LRRC39: variants seen among roughly 807,000 people sequenced by gnomAD.
The protein encoded by LRRC39 is leucine-rich repeat-containing protein 39.
LRRC39 carries 35 observed loss-of-function variants against 39.7 expected under a neutral mutation model. The ratio of observed to expected loss-of-function variants is 0.88; its 90% CI spans 0.67 to 1.17. The LOEUF is 1.17. Ranked by LOEUF, LRRC39 falls within the 50% of genes most tolerant of loss-of-function variation. LRRC39 has a pLI of 0.00. For synonymous variants in LRRC39, 113 were observed against 134.1 expected, an observed-to-expected ratio of 0.84 and a Z score of 1.09; for missense variants, 357 against 385.8, an observed-to-expected ratio of 0.93 and a Z score of 0.62.
chr1:100,166,287 A>G (rs1659240717), intron 3 of LRRC39, among the ~76,000 whole-genome samples: 1 of 152,188 alleles, frequency 6.6e-6, no homozygotes, highest in South Asian at 2.1e-4. Flanking sequence ...AGATACCCAA[A>G]AATGTGGAAG....
intron 3 of LRRC39, among the ~76,000 whole-genome samples, chr1:100,167,287 G>A (rs184542983): frequency 2.6e-5 from 4 of 152,158 alleles, no homozygotes; most frequent in Admixed American, 2.0e-4. Context: ...AAGCTAATCC[G>A]AGGATCAGAC....
chr1:100,177,709 C>T (rs1660055837), intron 1 of LRRC39, among the ~76,000 whole-genome samples: 1 of 152,180 alleles, frequency 6.6e-6, no homozygotes. Flanking sequence ...ACAATTCATC[C>T]ATTTGCTAAT....
intron 3 of LRRC39, among the ~76,000 whole-genome samples, chr1:100,162,333 T>C (rs999056684): frequency 6.6e-6 from 1 of 152,114 alleles, no homozygotes; most frequent in Non-Finnish European, 1.5e-5. Flanking sequence ...ATAAGAATGA[T>C]CTCAAACTAG....
At chr1:100,160,594 T>C (rs1458581760) in intron 3 of LRRC39, 23 bp from the exon 4 acceptor site, 1 of 1,575,330 alleles carries the variant, frequency 6.3e-7, no homozygotes, top group Non-Finnish European at 8.6e-7. Flanking sequence ...GAAATCATTT[T>C]AGTTCATAGA....
intron 3 of LRRC39, among the ~76,000 whole-genome samples, chr1:100,165,207 A>G (rs1438854756): frequency 6.6e-6 from 1 of 152,210 alleles, no homozygotes; most frequent in African/African-American, 2.4e-5. Context: ...TAATGTTTCT[A>G]AAAGTAGAAG....
chr1:100,171,487 TTTTTTTTTCTTTC>T (rs1312995396), intron 2 of LRRC39, among the ~76,000 whole-genome samples: 1 of 150,336 alleles, frequency 6.7e-6, no homozygotes, highest in East Asian at 1.9e-4. Context: ...GAAACACACT[TTTTTTTTTCTTTC>T]TTCTTTTTTT....
chr1:100,160,384 A>T, intron 4 of LRRC39, 82 bp downstream of exon 4: 1 of 996,080 alleles, frequency 1.0e-6, no homozygotes, highest in Non-Finnish European at 1.5e-6. Flanking sequence ...TTCTAGTCTT[A>T]ATTACACAGT....
chr1:100,176,030 G>A (rs745914284), intron 1 of LRRC39, among the ~76,000 whole-genome samples: 1 of 152,128 alleles, frequency 6.6e-6, no homozygotes, highest in African/African-American at 2.4e-5. Flanking sequence ...TCCATTCAAA[G>A]GTATGTACCT....
intron 3 of LRRC39, 53 bp from the exon 4 acceptor site, chr1:100,160,624 CA>C: frequency 4.4e-6 from 6 of 1,374,980 alleles, no homozygotes; most frequent in Admixed American, 2.1e-5. Flanking sequence ...AAGTGGCATT[CA>C]CTTTTTTTTT....
chr1:100,168,305 A>G, intron 3 of LRRC39, 99 bp downstream of exon 3: 7 of 877,444 alleles, frequency 8.0e-6, no homozygotes, highest in Admixed American at 3.2e-5. Context: ...ATAAAATTCT[A>G]TATCAAATTC....
chr1:100,159,092 C>T (rs919263295), intron 5 of LRRC39, among the ~76,000 whole-genome samples, 167 bp downstream of exon 5: 1 of 152,036 alleles, frequency 6.6e-6, no homozygotes, highest in Admixed American at 6.6e-5. Context: ...TCAGTAAATC[C>T]ACAAACTTGA....
upstream of LRRC39, among the ~76,000 whole-genome samples, chr1:100,179,499 C>CAAAAAAAAAAAAAAAAAAAAA (rs60588308): frequency 2.2e-5 from 1 of 45,618 alleles, no homozygotes; most frequent in African/African-American, 8.2e-5. Flanking sequence ...CTGTATCTAC[C>CAAAAAAAAAAAAAAAAAAAAA]AAAAAAAAAA....
rs750497041 is a variant in LRRC39, at chr1:100,149,109, A to G, written c.953-12T>C. The G allele has an allele frequency of 6.3e-6, 10 of 1,595,860 alleles. No homozygotes were observed. Among genetic ancestry groups the G allele is most frequent in the Admixed American group, 1.8e-5 (1 of 55,266 alleles). ...GTTGACTTGGTGATCTGAAACATAC[A>G]TAACATGTCAACACATAATTAGCGT... On this transcript the variant is annotated splice_polypyrimidine_tract_variant and intron_variant, in intron 9 of 9. Transcript: ENST00000370137.
chr1:100,149,248 T>A, intron 9 of LRRC39, 151 bp from the exon 10 acceptor site: 1 of 1,506,794 alleles, frequency 6.6e-7, no homozygotes, highest in Non-Finnish European at 8.8e-7. Context: ...ATCTGAGAAT[T>A]TGACTTATAT....
At position 100,156,207 on chromosome 1, in the gene LRRC39, G is replaced by T. The variant is rs570048273; in HGVS notation, c.624C>A (p.Ser208Arg). 1.9e-6 allele frequency: 3 copies of T among 1,613,616 alleles called. No homozygotes were observed. Among genetic ancestry groups the T allele is most frequent in the East Asian group, 4.5e-5 (2 of 44,866 alleles). Reference protein sequence around the residue: ...MPALEWLDMGSNKLEQLPDTI... With the variant: ...MPALEWLDMGRNKLEQLPDTI... Reference sequence around the variant, plus strand: ...TATCAGGAAGTTGTTCAAGTTTGTTGCTTCCCATGTCCAGCCACTCAAGGG... The same window carrying T: ...TATCAGGAAGTTGTTCAAGTTTGTTTCTTCCCATGTCCAGCCACTCAAGGG... Residue 208 changes from serine to arginine, a missense_variant, in exon 7 of 10, where the codon AGC becomes AGA. By Grantham distance (110) the Ser-to-Arg change is moderately radical. Coordinates refer to ENST00000370137, the MANE Select transcript of LRRC39 (RefSeq NM_144620.4).
At position 100,168,512 on chromosome 1, in the gene LRRC39, G is replaced by T; in HGVS notation, c.5C>A (p.Thr2Lys). 6.2e-7 allele frequency: 1 copy of T among 1,607,064 alleles called. No individual in the cohort carries two copies. Among genetic ancestry groups the T allele is most frequent in the Non-Finnish European group, 8.5e-7 (1 of 1,177,696 alleles). The change falls in exon 3 of 10, where the codon ACA (threonine) becomes AAA (lysine). Residue 2 changes from threonine (T) to lysine (K), a missense_variant. Thr to Lys is a moderately conservative substitution (Grantham distance 78). Coordinates refer to ENST00000370137, the MANE Select transcript of LRRC39 (RefSeq NM_144620.4). ...AGCCCCAGTACAAACCACATTTTCTGTCATGATTTCTCCACATTGTCATAG... is the reference window on the plus strand; with the variant it reads ...AGCCCCAGTACAAACCACATTTTCTTTCATGATTTCTCCACATTGTCATAG... M[T>K]ENVVCTGAVN...
intron 2 of LRRC39, 109 bp from the exon 3 acceptor site, chr1:100,168,703 T>C: frequency 1.9e-6 from 1 of 513,044 alleles, no homozygotes; most frequent in Non-Finnish European, 3.4e-6. Flanking sequence ...AAAACTATTT[T>C]ATATACTTTA....
intron 3 of LRRC39, among the ~76,000 whole-genome samples, chr1:100,168,161 G>A (rs1659372633): frequency 6.6e-6 from 1 of 152,120 alleles, no homozygotes; most frequent in Admixed American, 6.5e-5. Context: ...AAACTTTGAT[G>A]AATGTTAAAC....
At chr1:100,162,497 G>A (rs1229353816) in intron 3 of LRRC39, among the ~76,000 whole-genome samples, 1 of 151,974 alleles carries the variant, frequency 6.6e-6, no homozygotes, top group Admixed American at 6.6e-5. Flanking sequence ...AAATTAGCTG[G>A]GTGTGGTGAT....
Sources: gnomAD v4.1 joint callset for allele counts (sites outside exome capture counted in the v4.1 genomes callset) on GRCh38, gnomAD v4.1.1 for gene constraint, MANE v1.5 for transcripts, NCBI Gene and HGNC (gene_info 2026-07-23, HGNC 2026-07-21) for gene names.